The following ZMAT4 variants were observed in gnomAD, a reference collection of about 807,000 sequenced individuals.
ZMAT4 encodes the protein zinc finger matrin-type 4.
In ZMAT4, 17 loss-of-function variants were observed where a neutral mutation model predicts 28.7. The observed-to-expected ratio is 0.59, with a 90% CI of 0.41 to 0.89. The LOEUF is 0.89. Ranked by LOEUF, ZMAT4 falls within the 40% of genes least tolerant of loss-of-function variation. The pLI, the probability that ZMAT4 is intolerant of heterozygous loss-of-function variation, is 0.00. For synonymous variants in ZMAT4, 117 were observed against 109.2 expected, an observed-to-expected ratio of 1.07 and a Z score of -0.44; for missense variants, 240 against 283.8, an observed-to-expected ratio of 0.85 and a Z score of 1.11.
In ZMAT4 at chr8:40,786,719, G is replaced by T. The variant is rs925398901; in HGVS notation, c.103-18989C>A. On this transcript the variant is annotated intron_variant, in intron 2 of 6. Transcript: ENST00000297737. ...AGAATTCACACAGCCACCTTCTTCA[G>T]TGTGACATCTTCTTTTGGCTTAGTA... 7.0e-6 allele frequency: 9 copies of T among 1,289,272 alleles called. No individual in the cohort carries two copies. In the African/African-American group the frequency reaches 1.2e-4, roughly 17 times the overall value. 79.9% of individuals were successfully genotyped at this position (1,289,272 alleles called of 1,614,324 possible).
At chr8:40,729,343 A>G (rs1279979666) in intron 3 of ZMAT4, among the ~76,000 whole-genome samples, 1 of 152,182 alleles carries the variant, frequency 6.6e-6, no homozygotes, top group Non-Finnish European at 1.5e-5. Flanking sequence ...CTGACCTTTA[A>G]GCTAGAAGAG....
chr8:40,728,799 C>T (rs1811412061), intron 3 of ZMAT4, among the ~76,000 whole-genome samples: 2 of 152,180 alleles, frequency 1.3e-5, no homozygotes, highest in South Asian at 4.1e-4. Flanking sequence ...AAGACGCCAA[C>T]CATTTTTTTT....
At chr8:40,780,227 A>G (rs1813774817) in intron 2 of ZMAT4, among the ~76,000 whole-genome samples, 1 of 152,164 alleles carries the variant, frequency 6.6e-6, no homozygotes, top group African/African-American at 2.4e-5. Context: ...CCGACACCAT[A>G]GCTTAGCCTG....
intron 5 of ZMAT4, among the ~76,000 whole-genome samples, chr8:40,614,827 G>T (rs994289312): frequency 3.3e-5 from 5 of 151,576 alleles, no homozygotes; most frequent in Admixed American, 1.3e-4. Flanking sequence ...GTCTCTGCAC[G>T]TGAGATGGGT....
chr8:40,569,086 G>A (rs542389793), intron 6 of ZMAT4, among the ~76,000 whole-genome samples: 1 of 152,250 alleles, frequency 6.6e-6, no homozygotes, highest in African/African-American at 2.4e-5. Flanking sequence ...AAATTAAATG[G>A]GATGGGGGAG....
intron 2 of ZMAT4, among the ~76,000 whole-genome samples, chr8:40,770,867 G>A (rs1391380491): frequency 6.6e-6 from 1 of 152,036 alleles, no homozygotes; most frequent in Non-Finnish European, 1.5e-5. Context: ...GACACTTACA[G>A]TGTCTTCCTC....
chr8:40,845,830 G>A lies in ZMAT4; in HGVS notation c.-4-20150C>T, dbSNP rs189072979. On this transcript the variant is annotated intron_variant, in intron 1 of 6. Transcript: ENST00000297737. The stretch of plus-strand genomic sequence containing the variant: ...AGACTAAGGGTGGAGGGGGCAGGGA[G>A]GGTGAAAAATGTACTTAACAATGAT... 2.8e-3 allele frequency among the ~76,000 whole-genome samples: 422 copies of A among 149,104 alleles called. 1 individual carries two copies. The highest frequency in any genetic ancestry group is 9.1e-3 in the African/African-American group (371 of 40,758).
intron 1 of ZMAT4, among the ~76,000 whole-genome samples, chr8:40,887,816 C>T (rs913738841): frequency 6.6e-6 from 1 of 152,178 alleles, no homozygotes; most frequent in South Asian, 2.1e-4. Context: ...GTGTAATAAA[C>T]AGGAGAGACT....
At chr8:40,872,351 C>T (rs1488300606) in intron 1 of ZMAT4, among the ~76,000 whole-genome samples, 2 of 152,210 alleles carry the variant, frequency 1.3e-5, no homozygotes, top group African/African-American at 4.8e-5. Context: ...AACATCCTTC[C>T]TTCAGACACA....
rs1231844318 is a variant in ZMAT4, at chr8:40,607,864, G to T, written c.578-26603C>A. On this transcript the variant is annotated intron_variant, in intron 5 of 6. Transcript: ENST00000297737. Reference sequence around the variant, plus strand: ...GCTAGTACTGGGGTGTGTCTGCAAAGAGTCCTGGGATGTGATTTCTCTTCA... The same window carrying T: ...GCTAGTACTGGGGTGTGTCTGCAAATAGTCCTGGGATGTGATTTCTCTTCA... Among the ~76,000 whole-genome samples the T allele has an allele frequency of 2.6e-5, 4 of 152,252 alleles. No homozygotes were observed. In the East Asian group the frequency reaches 5.8e-4, roughly 22 times the overall value.
intron 3 of ZMAT4, among the ~76,000 whole-genome samples, chr8:40,716,371 T>C (rs748618088): frequency 7.2e-5 from 11 of 152,110 alleles, no homozygotes; most frequent in Admixed American, 1.3e-4. Flanking sequence ...GGTGTTTCCT[T>C]GGACCCTTCC....
chr8:40,620,016 A>G (rs1449840263), intron 5 of ZMAT4, among the ~76,000 whole-genome samples: 1 of 152,220 alleles, frequency 6.6e-6, no homozygotes, highest in Non-Finnish European at 1.5e-5. Flanking sequence ...TCAGCTCCAT[A>G]AATGCAAGGA....
chr8:40,569,262 C>A (rs1804018989), intron 6 of ZMAT4, among the ~76,000 whole-genome samples: 1 of 152,174 alleles, frequency 6.6e-6, no homozygotes, highest in Admixed American at 6.5e-5. Context: ...ACTTCCCCAG[C>A]AAAATCTAAT....
intron 3 of ZMAT4, among the ~76,000 whole-genome samples, chr8:40,754,796 T>A (rs1260035423): frequency 6.6e-6 from 1 of 152,166 alleles, no homozygotes; most frequent in African/African-American, 2.4e-5. Flanking sequence ...AAGAATCGTT[T>A]GAGGCCAGAG....
chr8:40,824,590 T>G (rs1460941940), intron 2 of ZMAT4, among the ~76,000 whole-genome samples: 1 of 143,970 alleles, frequency 6.9e-6, no homozygotes, highest in Non-Finnish European at 1.5e-5. Context: ...CCTGGATGAC[T>G]GAGTGAGACG....
intron 5 of ZMAT4, among the ~76,000 whole-genome samples, chr8:40,645,963 G>A (rs1807290903): frequency 6.6e-6 from 1 of 151,894 alleles, no homozygotes; most frequent in African/African-American, 2.4e-5. Context: ...TCTCCTTATT[G>A]TGAGTTATTC....
chr8:40,857,607 T>G (rs1052227860), intron 1 of ZMAT4, among the ~76,000 whole-genome samples: 1 of 152,222 alleles, frequency 6.6e-6, no homozygotes, highest in Admixed American at 6.5e-5. Flanking sequence ...TTTGGAAAAC[T>G]GTTTAGAAAC....
intron 5 of ZMAT4, among the ~76,000 whole-genome samples, chr8:40,658,688 T>C (rs1479129164): frequency 6.6e-6 from 1 of 151,730 alleles, no homozygotes; most frequent in Non-Finnish European, 1.5e-5. Context: ...GATTTTCCCC[T>C]TTCTTGAATT....
At chr8:40,873,814 T>G (rs1300704737) in intron 1 of ZMAT4, among the ~76,000 whole-genome samples, 1 of 152,180 alleles carries the variant, frequency 6.6e-6, no homozygotes, top group Non-Finnish European at 1.5e-5. Flanking sequence ...TCACTATTTT[T>G]AACTTCTATT....
Sources: allele counts gnomAD v4.1 joint callset (sites outside exome capture counted in the v4.1 genomes callset), GRCh38; gene constraint gnomAD v4.1.1; transcripts MANE v1.5; gene names NCBI Gene and HGNC (gene_info 2026-07-23, HGNC 2026-07-21).